TM4SF19: variants seen among roughly 807,000 people sequenced by gnomAD.
The protein encoded by TM4SF19 is transmembrane 4 L six family member 19, also known as transmembrane 4 L6 family member 19.
In TM4SF19, 17 loss-of-function variants were observed where a neutral mutation model predicts 21.8. The ratio of observed to expected loss-of-function variants is 0.78; its 90% confidence interval spans 0.53 to 1.17. TM4SF19 has a LOEUF of 1.17. Among genes scored for constraint, TM4SF19 ranks in the 50% most tolerant of loss-of-function variants. The pLI is 0.00. For missense variants in TM4SF19, 216 were observed against 252.1 expected (o/e 0.86, Z 0.97); for synonymous variants, 107 against 106.7 (o/e 1.00, Z -0.02).
chr3:196,329,668 TA>T lies in TM4SF19; in HGVS notation c.-1-2078del, dbSNP rs1240113607. ...GGCGACAAGAGCAAGCGACTCCATCTAAAAAAAAAAAATCATGCTAAAAGAA... is the reference window on the plus strand; with the variant it reads ...GGCGACAAGAGCAAGCGACTCCATCTAAAAAAAAAAATCATGCTAAAAGAA... On this transcript the variant is annotated intron_variant, in intron 1 of 4. Coordinates refer to ENST00000273695, the MANE Select transcript of TM4SF19 (RefSeq NM_138461.4). Among the ~76,000 whole-genome samples the T allele has an allele frequency of 1.4e-3, 151 of 108,570 alleles. 2 individuals are homozygous for T. The highest frequency in any genetic ancestry group is 1.3e-3 in the Non-Finnish European group (65 of 50,438). 71.2% of individuals were successfully genotyped at this position (108,570 alleles called of 152,430 possible). A position where few individuals can be genotyped will look rare whatever the true frequency, so the allele number is the denominator to read the frequency against.
At chr3:196,327,302 G>A (rs1474469372) in intron 2 of TM4SF19, 88 bp downstream of exon 2, 19 of 1,300,784 alleles carry the variant, frequency 1.5e-5, no homozygotes, top group Non-Finnish European at 1.9e-5. Context: ...TTTTCTGCAA[G>A]GAATCAAAAC....
At chr3:196,337,607 C>T (rs968232419) in intron 1 of TM4SF19, among the ~76,000 whole-genome samples, 4 of 152,024 alleles carry the variant, frequency 2.6e-5, no homozygotes, top group Non-Finnish European at 4.4e-5. Context: ...AAGGGAAAAA[C>T]GCCTCAAGTG....
intron 1 of TM4SF19, among the ~76,000 whole-genome samples, chr3:196,335,815 G>A (rs1413925147): frequency 6.6e-6 from 1 of 151,930 alleles, no homozygotes; most frequent in African/African-American, 2.4e-5. Flanking sequence ...CGTGCAGTGC[G>A]GGGCTTGCAG....
At chr3:196,338,085 T>G (rs1727846102) in intron 1 of TM4SF19, among the ~76,000 whole-genome samples, 179 bp downstream of exon 1, 1 of 152,128 alleles carries the variant, frequency 6.6e-6, no homozygotes, top group African/African-American at 2.4e-5. Flanking sequence ...AGGAAGAGTA[T>G]TCTAGGTGCA....
chr3:196,324,515 A>C, intron 3 of TM4SF19, 75 bp from the exon 4 acceptor site: 2 of 1,542,856 alleles, frequency 1.3e-6, no homozygotes, highest in Non-Finnish European at 1.8e-6. Flanking sequence ...AGAAACGCTG[A>C]GCTAAGACGG....
intron 3 of TM4SF19, among the ~76,000 whole-genome samples, chr3:196,326,391 TGTGTGTG>T (rs1316936626): frequency 3.7e-5 from 1 of 27,356 alleles, no homozygotes; most frequent in Non-Finnish European, 8.6e-5. Flanking sequence ...TGAGAACGAG[TGTGTGTG>T]TGTGTGTGTG....
intron 1 of TM4SF19, among the ~76,000 whole-genome samples, chr3:196,331,656 G>A (rs941118825): frequency 2.0e-5 from 3 of 151,328 alleles, no homozygotes; most frequent in Non-Finnish European, 2.9e-5. Flanking sequence ...GCGTGGTGGC[G>A]CATGCCTGTA....
chr3:196,333,732 C>T (rs1042178892), intron 1 of TM4SF19, among the ~76,000 whole-genome samples: 2 of 152,102 alleles, frequency 1.3e-5, no homozygotes, highest in East Asian at 1.9e-4. Context: ...TATGTATCCC[C>T]GGATCTAAAA....
chr3:196,332,736 A>G (rs1727570888), intron 1 of TM4SF19, among the ~76,000 whole-genome samples: 1 of 151,734 alleles, frequency 6.6e-6, no homozygotes, highest in Admixed American at 6.6e-5. Flanking sequence ...TCCACTTATG[A>G]TGGGGTCGAA....
In TM4SF19 at chr3:196,327,694, G is replaced by T. The variant is rs59016656; in HGVS notation, c.-1-103C>A. Reference sequence around the variant, plus strand: ...GTGAGGGAAACAGACTACAGAAACCGCCACCTTCCAGGGTCAGACCAATGA... The same window carrying T: ...GTGAGGGAAACAGACTACAGAAACCTCCACCTTCCAGGGTCAGACCAATGA... On this transcript the variant is annotated intron_variant, in intron 1 of 4. Transcript: ENST00000273695. The T allele has an allele frequency of 6.3e-6, 6 of 957,954 alleles. No homozygotes were observed. In the East Asian group the frequency reaches 1.0e-4, roughly 17 times the overall value. 59.3% of individuals were successfully genotyped at this position (957,954 alleles called of 1,614,324 possible).
chr3:196,331,437 C>T (rs1356946890), intron 1 of TM4SF19, among the ~76,000 whole-genome samples: 1 of 151,360 alleles, frequency 6.6e-6, no homozygotes, highest in East Asian at 1.9e-4. Flanking sequence ...TCTGTCTCCC[C>T]TTAAGGCTCG....
intron 1 of TM4SF19, among the ~76,000 whole-genome samples, chr3:196,334,143 T>G (rs1268636448): frequency 6.6e-6 from 1 of 152,202 alleles, no homozygotes; most frequent in African/African-American, 2.4e-5. Context: ...TTAACACCCA[T>G]GTAAACACAA....
chr3:196,328,161 A>G (rs1727373753), intron 1 of TM4SF19, among the ~76,000 whole-genome samples: 1 of 152,092 alleles, frequency 6.6e-6, no homozygotes, highest in Non-Finnish European at 1.5e-5. Flanking sequence ...TTAGCTGGGC[A>G]CGGTGGTGGG....
intron 1 of TM4SF19, among the ~76,000 whole-genome samples, chr3:196,335,396 G>A (rs1466245715): frequency 2.5e-5 from 2 of 80,300 alleles, no homozygotes; most frequent in Non-Finnish European, 5.2e-5. Flanking sequence ...TGCACTGGGA[G>A]GGTGTGGGTA....
Position 196,323,939 on chromosome 3 carries a change from C to G in TM4SF19, c.508G>C (p.Val170Leu), listed in dbSNP as rs1047952555. 1.9e-6 allele frequency: 3 copies of G among 1,614,004 alleles called. No individual in the cohort carries two copies. The African/African-American group carries it at 4.0e-5, about 22-fold the overall frequency. ...NSVCLEPSAA[V>L]VWHVSLFSAL... ...GAGAAGAGGGACACGTGCCAGACAA[C>G]AGCTGCAGAGGGCTCCAGGCAGACG... Residue 170 changes from valine to leucine, a missense_variant, in exon 5 of 5, where the codon GTT becomes CTT. Val to Leu is a conservative substitution (Grantham distance 32). Coordinates refer to ENST00000273695, the MANE Select transcript of TM4SF19 (RefSeq NM_138461.4).
rs1727162235 is a variant in TM4SF19, at chr3:196,323,807, G to A, written c.*10C>T. 1.2e-6 allele frequency: 2 copies of A among 1,613,964 alleles called. No homozygotes were observed. The highest frequency in any genetic ancestry group is 2.7e-5 in the African/African-American group (2 of 74,890). Reference sequence around the variant, plus strand: ...AAAACACCCATGCTTGCAAGTGAAGGTTCTGCCTGTCACTTCTCGCAGAGG... The same window carrying A: ...AAAACACCCATGCTTGCAAGTGAAGATTCTGCCTGTCACTTCTCGCAGAGG... On this transcript the variant is annotated 3_prime_UTR_variant, in exon 5 of 5. Transcript: ENST00000273695.
chr3:196,336,081 T>G (rs1244499136), intron 1 of TM4SF19, among the ~76,000 whole-genome samples: 1 of 152,132 alleles, frequency 6.6e-6, no homozygotes, highest in Non-Finnish European at 1.5e-5. Flanking sequence ...GACGATCTCT[T>G]CTACAGAAAA....
rs1362968517 is a variant in TM4SF19 at position 196,325,545 on chromosome 3, C to G, written c.280-1105G>C. 6.6e-6 allele frequency: 1 copy of G among 152,064 alleles called. No individual in the cohort carries two copies. Among genetic ancestry groups the G allele is most frequent in the African/African-American group, 2.4e-5 (1 of 41,388 alleles). 9.4% of individuals were successfully genotyped at this position (152,064 alleles called of 1,614,324 possible). ...GGTTCTAGATTTTTTTCTCCCTCCC[C>G]CAAAAATGCCTATTTTAAAAATGTG... On this transcript the variant is annotated intron_variant, in intron 3 of 4. Coordinates refer to ENST00000273695, the MANE Select transcript of TM4SF19 (RefSeq NM_138461.4). This position sits in a 1 kb window ranked among gnomAD's most constrained non-coding sequence, Gnocchi z 4.3.
chr3:196,327,197 G>T lies in TM4SF19; in HGVS notation c.202-165C>A, dbSNP rs556201253. Among the ~76,000 whole-genome samples, 13 of 152,286 alleles carry T rather than the reference G, an allele frequency of 8.5e-5. No individual in the cohort carries two copies. The East Asian group carries it at 1.9e-3, about 23-fold the overall frequency. Reference sequence around the variant, plus strand: ...ATGACGAGCCTGATCTAACGCTGTGGATGTTAACTTTCACACCCGACCTGC... The same window carrying T: ...ATGACGAGCCTGATCTAACGCTGTGTATGTTAACTTTCACACCCGACCTGC... On this transcript the variant is annotated intron_variant, in intron 2 of 4. Transcript: ENST00000273695.
Sources: gnomAD v4.1 joint callset for allele counts (sites outside exome capture counted in the v4.1 genomes callset) on GRCh38, gnomAD v4.1.1 for gene constraint, Gnocchi (gnomAD v3.1) non-coding constraint, MANE v1.5 for transcripts, NCBI Gene and HGNC (gene_info 2026-07-23, HGNC 2026-07-21) for gene names.